Variants in UACA observed in about 807,000 individuals in gnomAD.
The protein encoded by UACA is nuclear membrane binding protein.
UACA carries 112 observed loss-of-function variants against 160.5 expected under a neutral mutation model. That is an observed-to-expected ratio of 0.70 (90% confidence interval 0.60 to 0.82). The LOEUF is 0.82. Ranked by LOEUF, UACA falls within the 40% of genes least tolerant of loss-of-function variation. The pLI is 0.00. For missense variants in UACA, 1,574 were observed against 1,614.6 expected, an observed-to-expected ratio of 0.97 and a Z score of 0.43; for synonymous variants, 557 against 568.4, an observed-to-expected ratio of 0.98 and a Z score of 0.29.
intron 1 of UACA, among the ~76,000 whole-genome samples, chr15:70,757,058 G>A (rs890365489): frequency 2.6e-5 from 4 of 152,010 alleles, no homozygotes; most frequent in South Asian, 2.1e-4. Flanking sequence ...AGTCCATCAC[G>A]GCAATTGGCT....
At chr15:70,696,140 A>C (rs1898120250) in intron 2 of UACA, among the ~76,000 whole-genome samples, 1 of 152,148 alleles carries the variant, frequency 6.6e-6, no homozygotes, top group African/African-American at 2.4e-5. Flanking sequence ...CTTGTAGCCC[A>C]CTCTCAGCAG....
rs141481104 is a variant in UACA at position 70,746,984 on chromosome 15, G to C, written c.78+16346C>G. 1.8e-4 allele frequency among the ~76,000 whole-genome samples: 28 copies of C among 152,206 alleles called. No individual in the cohort carries two copies. The East Asian group carries it at 5.2e-3, about 28-fold the overall frequency. The stretch of plus-strand genomic sequence containing the variant: ...AACATCATACACTGGGGCCTGTCAG[G>C]GGGTGGCAGGCAAGGGGAAGGCTAG... On this transcript the variant is annotated intron_variant, in intron 1 of 18. Transcript: ENST00000322954.
chr15:70,696,296 T>C (rs1298973530), intron 2 of UACA, among the ~76,000 whole-genome samples: 1 of 152,222 alleles, frequency 6.6e-6, no homozygotes, highest in Non-Finnish European at 1.5e-5. Context: ...ACTTTCTTTA[T>C]AGTCTATCAA....
Position 70,668,446 on chromosome 15 carries a change from AG to A in UACA, c.2237del (p.Pro746LeufsTer2). 2 of 1,612,314 alleles carry A rather than the reference AG, an allele frequency of 1.2e-6. No homozygotes were observed. Among genetic ancestry groups the A allele is most frequent in the Non-Finnish European group, 1.7e-6 (2 of 1,179,856 alleles). On this transcript the variant is annotated frameshift_variant, in exon 16 of 19. Coordinates refer to ENST00000322954, the MANE Select transcript of UACA (RefSeq NM_018003.4). LOFTEE classifies it high-confidence loss of function. The part of the protein sequence containing the change: ...LTIEMKNHYV[P>X]LKVSEDMKKS... ...TTTTCATGTCTTCACTTACTTTTAA[AG>A]GAACATAATGATTTTTCATTTCAAT...
chr15:70,721,429 T>G (rs910101783), intron 1 of UACA, among the ~76,000 whole-genome samples: 4 of 152,024 alleles, frequency 2.6e-5, no homozygotes, highest in Non-Finnish European at 5.9e-5. Flanking sequence ...ATCGAGACCA[T>G]CCTGGCTAAC....
chr15:70,703,769 T>C (rs1040912430), intron 1 of UACA, among the ~76,000 whole-genome samples: 3 of 152,224 alleles, frequency 2.0e-5, no homozygotes, highest in African/African-American at 2.4e-5. Flanking sequence ...CCCCAGCCTC[T>C]GTGGCTTAAT....
At chr15:70,735,676 A>G (rs978008144) in intron 1 of UACA, among the ~76,000 whole-genome samples, 2 of 151,960 alleles carry the variant, frequency 1.3e-5, no homozygotes, top group Non-Finnish European at 2.9e-5. Flanking sequence ...AAAACAATGT[A>G]TTTTTGTTTG....
Position 70,753,836 on chromosome 15 carries a change from C to A in UACA, c.78+9494G>T, listed in dbSNP as rs2030238415. On this transcript the variant is annotated intron_variant, in intron 1 of 18. Transcript: ENST00000322954. ...TTTTGTTGCTGTTGAGACAGAGCCT[C>A]GCTCCATCGCCCAGGCTGGAGTGCA... is the stretch of plus-strand genomic sequence containing the variant. Among the ~76,000 whole-genome samples, 3 of 152,170 alleles carry A rather than the reference C, an allele frequency of 2.0e-5. No individual in the cohort carries two copies. In the South Asian group the frequency reaches 6.2e-4, roughly 32 times the overall value.
At chr15:70,768,698 T>C in the UACA span, among the ~76,000 whole-genome samples, 1 of 152,242 alleles carries the variant, frequency 6.6e-6, no homozygotes, top group Non-Finnish European at 1.5e-5. Flanking sequence ...TAAACTTTCC[T>C]GGACCTTGGA....
chr15:70,663,243 A>C (rs907794222), intron 17 of UACA, among the ~76,000 whole-genome samples: 1 of 152,220 alleles, frequency 6.6e-6, no homozygotes, highest in African/African-American at 2.4e-5. Flanking sequence ...ATGCAGCCAA[A>C]AGACACATGA....
At chr15:70,682,837 A>G in intron 8 of UACA, 42 bp from the exon 9 acceptor site, 1 of 1,457,730 alleles carries the variant, frequency 6.9e-7, no homozygotes, top group Non-Finnish European at 9.3e-7. Context: ...ATGGCAGGTT[A>G]ACTTGGGGTA....
At chr15:70,767,257 CAAA>C (rs1298617034), upstream of UACA, among the ~76,000 whole-genome samples, 1 of 94,278 alleles carries the variant, frequency 1.1e-5, no homozygotes, top group South Asian at 2.9e-4. Flanking sequence ...AAAAAAAAAA[CAAA>C]AAACAAAAAC....
the UACA span, among the ~76,000 whole-genome samples, chr15:70,772,695 T>A: frequency 6.6e-6 from 1 of 152,084 alleles, no homozygotes. Flanking sequence ...AATTTGGAAG[T>A]TATGGCCAAA....
chr15:70,671,696 T>C, intron 14 of UACA: 1 of 257,132 alleles, frequency 3.9e-6, no homozygotes. Flanking sequence ...TGTCTATGTC[T>C]ACTAATCAAC....
chr15:70,672,029 G>A (rs771691356), intron 13 of UACA, 28 bp from the exon 14 acceptor site: 85 of 1,576,100 alleles, frequency 5.4e-5, no homozygotes, highest in Non-Finnish European at 6.7e-5. Context: ...AAATATTTTA[G>A]GGTGAATGCT....
chr15:70,671,958 T>A lies in UACA; in HGVS notation c.1168+7A>T, dbSNP rs200780734. On this transcript the variant is annotated splice_region_variant and intron_variant, in intron 14 of 18. Transcript: ENST00000322954. Reference sequence around the variant, plus strand: ...ACTGTAATGATAATCCATACTTTTATACTTACGGTTACTGAAATGACTTCC... The same window carrying A: ...ACTGTAATGATAATCCATACTTTTAAACTTACGGTTACTGAAATGACTTCC... The A allele has an allele frequency of 2.3e-5, 36 of 1,596,272 alleles. No homozygotes were observed. Among genetic ancestry groups the A allele is most frequent in the African/African-American group, 1.7e-4 (13 of 74,534 alleles).
In UACA at chr15:70,669,084, C is replaced by T; in HGVS notation, c.1600G>A (p.Gly534Arg). 1.2e-6 allele frequency: 2 copies of T among 1,614,052 alleles called. No individual in the cohort carries two copies. Among genetic ancestry groups the T allele is most frequent in the Non-Finnish European group, 1.7e-6 (2 of 1,179,998 alleles). Residue 534 changes from glycine to arginine, a missense_variant, in exon 16 of 19, where the codon GGG (glycine) becomes AGG (arginine). By Grantham distance (125) the Gly-to-Arg change is moderately radical. Coordinates refer to ENST00000322954, the MANE Select transcript of UACA (RefSeq NM_018003.4). ...KEHLTSEAAS[G>R]NHRLTEELKD... ...AGTTCCTCGGTTAGTCTGTGATTCC[C>T]TGAGGCTGCTTCACTTGTTAAGTGT... is the stretch of plus-strand genomic sequence containing the variant.
intron 1 of UACA, among the ~76,000 whole-genome samples, chr15:70,736,326 A>G (rs973505690): frequency 1.3e-5 from 2 of 152,216 alleles, no homozygotes; most frequent in Non-Finnish European, 2.9e-5. Flanking sequence ...ATTTACGTTT[A>G]TAGTCAGATT....
At position 70,667,042 on chromosome 15, in the gene UACA, T is replaced by A. The variant is rs1056326; in HGVS notation, c.3642A>T (p.Ala1214=). ...LQSEVQNTKQ[A]LKKLETREVV... Reference sequence around the variant, plus strand: ...CCTCTCTAGTCTCTAATTTTTTTAATGCTTGTTTAGTATTCTGAACCTCCG... The same window carrying A: ...CCTCTCTAGTCTCTAATTTTTTTAAAGCTTGTTTAGTATTCTGAACCTCCG... The change falls in exon 16 of 19, where the codon GCA becomes GCT. Residue 1214 remains alanine, a synonymous_variant. Transcript: ENST00000322954. The A allele has an allele frequency of 1.2e-6, 2 of 1,613,482 alleles. No individual in the cohort carries two copies. The highest frequency in any genetic ancestry group is 2.2e-5 in the South Asian group (2 of 91,052).
Sources: gnomAD v4.1 joint callset for allele counts (sites outside exome capture counted in the v4.1 genomes callset) on GRCh38, gnomAD v4.1.1 for gene constraint, MANE v1.5 for transcripts, NCBI Gene and HGNC (gene_info 2026-07-23, HGNC 2026-07-21) for gene names.